SOWAHB: variants seen among roughly 807,000 people sequenced by gnomAD.
SOWAHB encodes ankyrin repeat domain-containing protein SOWAHB.
A neutral mutation model predicts 18.3 loss-of-function variants in SOWAHB; 17 were observed. That is an observed-to-expected ratio of 0.93 (90% CI 0.64 to 1.40). The LOEUF (loss-of-function observed/expected upper bound fraction) is 1.40. SOWAHB is among the 40% of genes most tolerant of loss of function. SOWAHB has a pLI of 0.00. For synonymous variants in SOWAHB, 496 were observed against 448.1 expected (o/e 1.11, Z -1.35); for missense variants, 1,126 against 1,033.7 (o/e 1.09, Z -1.22).
In SOWAHB at chr4:76,897,495, G is replaced by A; in HGVS notation, c.355C>T (p.Gln119Ter). Residue 119 changes from glutamine to a stop codon, truncating the protein, a stop_gained, in exon 1 of 1, where the codon CAG (glutamine) becomes TAG (stop). Coordinates refer to ENST00000334306, the MANE Select transcript of SOWAHB (RefSeq NM_001029870.3). LOFTEE classifies it low-confidence loss of function (END_TRUNC). This position sits in a 1 kb window ranked among gnomAD's most constrained non-coding sequence, Gnocchi z 6.4. ...GARRGEPPQQ[Q>*]PRRRRREKEP... ...TTCTCGCGCCGCCGCCGCCTGGGCT[G>A]CTGCTGGGGCGGCTCCCCCCGGCGC... 2 of 1,459,360 alleles carry A rather than the reference G, an allele frequency of 1.4e-6. No homozygotes were observed. Among genetic ancestry groups the A allele is most frequent in the African/African-American group, 1.5e-5 (1 of 67,574 alleles). 90.4% of individuals were successfully genotyped at this position (1,459,360 alleles called of 1,614,324 possible). A position where few individuals can be genotyped will look rare whatever the true frequency, so the allele number is the denominator to read the frequency against.
chr4:76,894,720 G>C lies in SOWAHB; in HGVS notation c.*748C>G, dbSNP rs575852323. Among the ~76,000 whole-genome samples, 34 of 152,228 alleles carry C rather than the reference G, an allele frequency of 2.2e-4. No individual in the cohort carries two copies. The highest frequency in any genetic ancestry group is 7.7e-4 in the African/African-American group (32 of 41,518). On this transcript the variant is annotated 3_prime_UTR_variant, in exon 1 of 1. Coordinates refer to ENST00000334306, the MANE Select transcript of SOWAHB (RefSeq NM_001029870.3). The stretch of plus-strand genomic sequence containing the variant: ...TTTTTACATTTGGAAAGTTCCCTTC[G>C]GGTTGATACAAAAAAGCAGGGCCTG...
chr4:76,897,005 C>T lies in SOWAHB; in HGVS notation c.845G>A (p.Arg282His), dbSNP rs1160675784. The T allele has an allele frequency of 1.9e-6, 3 of 1,564,170 alleles. No individual in the cohort carries two copies. Among genetic ancestry groups the T allele is most frequent in the Admixed American group, 3.7e-5 (2 of 53,576 alleles). ...PPALLPGPAP[R>H]GDRPELLTPS... ...GGTCAGCAGCTCCGGCCGGTCTCCG[C>T]GGGGAGCGGGGCCGGGCAGGAGAGC... is the stretch of plus-strand genomic sequence containing the variant. The change falls in exon 1 of 1, where the codon CGC (arginine) becomes CAC (histidine). Residue 282 changes from arginine to histidine, a missense_variant. Arg to His is a conservative substitution (Grantham distance 29, BLOSUM62 0). Coordinates refer to ENST00000334306, the MANE Select transcript of SOWAHB (RefSeq NM_001029870.3). The surrounding 1 kb of genome is among the most constrained non-coding windows in gnomAD (Gnocchi z 6.4).
Position 76,895,246 on chromosome 4 carries a change from C to T in SOWAHB, c.*222G>A, listed in dbSNP as rs745982919. ...CTCCTAGATATCAAGCACCTGGCCC[C>T]GCCTCTTGTCTAGGTTTCTCCAGTC... On this transcript the variant is annotated 3_prime_UTR_variant, in exon 1 of 1. Transcript: ENST00000334306. 3.9e-5 allele frequency: 19 copies of T among 484,346 alleles called. No individual in the cohort carries two copies. Among genetic ancestry groups the T allele is most frequent in the Non-Finnish European group, 6.5e-5 (18 of 278,028 alleles). 30.0% of individuals were successfully genotyped at this position (484,346 alleles called of 1,614,324 possible).
In SOWAHB at chr4:76,894,276, A is replaced by G. The variant is rs1482555641; in HGVS notation, c.*1192T>C. ...AAAACATTCCCATAAAAAATTAACAATTTCCACTTGAACATGTATTTCAGC... is the reference window on the plus strand; with the variant it reads ...AAAACATTCCCATAAAAAATTAACAGTTTCCACTTGAACATGTATTTCAGC... On this transcript the variant is annotated 3_prime_UTR_variant, in exon 1 of 1. Transcript: ENST00000334306. Among the ~76,000 whole-genome samples, 1 of 152,174 alleles carries G rather than the reference A, an allele frequency of 6.6e-6. No homozygotes were observed. Among genetic ancestry groups the G allele is most frequent in the East Asian group, 1.9e-4 (1 of 5,192 alleles).
At position 76,895,693 on chromosome 4, in the gene SOWAHB, T is replaced by C. The variant is rs201749398; in HGVS notation, c.2157A>G (p.Ile719Met). Residue 719 changes from isoleucine to methionine, a missense_variant, in exon 1 of 1, where the codon ATA (isoleucine) becomes ATG (methionine). Physicochemically the swap from Ile to Met is conservative, Grantham distance 10. Transcript: ENST00000334306. ...CCCGAGGAGCTCCCAACAGCTGCCATATTTCCCCAGAGGTATTACTGGTTA... is the reference window on the plus strand; with the variant it reads ...CCCGAGGAGCTCCCAACAGCTGCCACATTTCCCCAGAGGTATTACTGGTTA... ...QYLTSNTSGEIWQLLGAPRGK... is the reference protein window; with the variant it reads ...QYLTSNTSGEMWQLLGAPRGK... 15 of 1,614,116 alleles carry C rather than the reference T, an allele frequency of 9.3e-6. No homozygotes were observed. The highest frequency in any genetic ancestry group is 1.2e-5 in the Non-Finnish European group (14 of 1,180,046).
At position 76,897,507 on chromosome 4, in the gene SOWAHB, G is replaced by T; in HGVS notation, c.343C>A (p.Pro115Thr). The T allele has an allele frequency of 2.8e-6, 4 of 1,426,968 alleles. No homozygotes were observed. Among genetic ancestry groups the T allele is most frequent in the Non-Finnish European group, 3.6e-6 (4 of 1,100,704 alleles). The allele number at this position is 1,426,968 out of a possible 1,614,324, so 88.4% of individuals were successfully genotyped here. ...CSPRGARRGE[P>T]PQQQPRRRRR... The stretch of plus-strand genomic sequence containing the variant: ...CGCCGCCTGGGCTGCTGCTGGGGCG[G>T]CTCCCCCCGGCGCGCGCCTCGCGGG... The change falls in exon 1 of 1, where the codon CCG becomes ACG. Residue 115 changes from proline (P) to threonine (T), a missense_variant. Pro to Thr is a conservative substitution (Grantham distance 38). Transcript: ENST00000334306. This position sits in a 1 kb window ranked among gnomAD's most constrained non-coding sequence, Gnocchi z 6.4.
In SOWAHB at chr4:76,897,727, G is replaced by C; in HGVS notation, c.123C>G (p.Pro41=). 2 of 1,610,180 alleles carry C rather than the reference G, an allele frequency of 1.2e-6. No individual in the cohort carries two copies. ...GCTCGCGGCGGTGCTGGTGCTGGCT[G>C]GGGGACGCGTCGGGGTCTCGGAGAA... is the stretch of plus-strand genomic sequence containing the variant. ...KSFLRDPDAS[P]SQHQHRRELF... Residue 41 remains proline, a synonymous_variant, in exon 1 of 1, where the codon CCC becomes CCG. Coordinates refer to ENST00000334306, the MANE Select transcript of SOWAHB (RefSeq NM_001029870.3). The surrounding 1 kb of genome is among the most constrained non-coding windows in gnomAD (Gnocchi z 6.4).
rs1560661077 is a variant in SOWAHB, at chr4:76,895,692, A to G, written c.2158T>C (p.Trp720Arg). ...YLTSNTSGEIWQLLGAPRGKP... is the reference protein window; with the variant it reads ...YLTSNTSGEIRQLLGAPRGKP... ...CCCCGAGGAGCTCCCAACAGCTGCC[A>G]TATTTCCCCAGAGGTATTACTGGTT... The change falls in exon 1 of 1, where the codon TGG (tryptophan) becomes CGG (arginine). Residue 720 changes from tryptophan (W) to arginine (R), a missense_variant. Coordinates refer to ENST00000334306, the MANE Select transcript of SOWAHB (RefSeq NM_001029870.3). 9 of 1,614,134 alleles carry G rather than the reference A, an allele frequency of 5.6e-6. No individual in the cohort carries two copies. Among genetic ancestry groups the G allele is most frequent in the Non-Finnish European group, 5.9e-6 (7 of 1,180,056 alleles).
Position 76,897,020 on chromosome 4 carries a change from G to A in SOWAHB, c.830C>T (p.Pro277Leu). 2 of 1,557,402 alleles carry A rather than the reference G, an allele frequency of 1.3e-6. No individual in the cohort carries two copies. Among genetic ancestry groups the A allele is most frequent in the Non-Finnish European group, 8.6e-7 (1 of 1,157,966 alleles). Reference sequence around the variant, plus strand: ...CCGGTCTCCGCGGGGAGCGGGGCCGGGCAGGAGAGCAGGCGGGGAAGCCCT... The same window carrying A: ...CCGGTCTCCGCGGGGAGCGGGGCCGAGCAGGAGAGCAGGCGGGGAAGCCCT... ...TSRASPPALLPGPAPRGDRPE... is the reference protein window; with the variant it reads ...TSRASPPALLLGPAPRGDRPE... Residue 277 changes from proline to leucine, a missense_variant, in exon 1 of 1, where the codon CCC (proline) becomes CTC (leucine). Coordinates refer to ENST00000334306, the MANE Select transcript of SOWAHB (RefSeq NM_001029870.3). The surrounding 1 kb of genome is among the most constrained non-coding windows in gnomAD (Gnocchi z 6.4).
Position 76,895,411 on chromosome 4 carries a change from T to C in SOWAHB, c.*57A>G. 1 of 1,477,372 alleles carries C rather than the reference T, an allele frequency of 6.8e-7. No homozygotes were observed. Among genetic ancestry groups the C allele is most frequent in the Non-Finnish European group, 9.1e-7 (1 of 1,095,358 alleles). 91.5% of individuals were successfully genotyped at this position (1,477,372 alleles called of 1,614,324 possible). Reference sequence around the variant, plus strand: ...AGCAGCTTTTCTATTCCCCCTGAATTCTCTCACTGAGCAGGATGAGGGAGT... The same window carrying C: ...AGCAGCTTTTCTATTCCCCCTGAATCCTCTCACTGAGCAGGATGAGGGAGT... On this transcript the variant is annotated 3_prime_UTR_variant, in exon 1 of 1. Transcript: ENST00000334306.
Position 76,895,782 on chromosome 4 carries a change from C to T in SOWAHB, c.2068G>A (p.Val690Met), listed in dbSNP as rs1437589185. The T allele has an allele frequency of 1.2e-6, 2 of 1,614,248 alleles. No homozygotes were observed. The highest frequency in any genetic ancestry group is 2.2e-5 in the South Asian group (2 of 91,084). Reference sequence around the variant, plus strand: ...TTTACCCGAGAAGCCAACCTTTGCACTAGCAATTTGATGACCCCCTGGTGG... The same window carrying T: ...TTTACCCGAGAAGCCAACCTTTGCATTAGCAATTTGATGACCCCCTGGTGG... ...HGHQGVIKLL[V>M]QRLASRVNVR... Residue 690 changes from valine (V) to methionine (M), a missense_variant, in exon 1 of 1, where the codon GTG becomes ATG. Coordinates refer to ENST00000334306, the MANE Select transcript of SOWAHB (RefSeq NM_001029870.3).
In SOWAHB at chr4:76,897,370, G is replaced by C; in HGVS notation, c.480C>G (p.Gly160=). The change falls in exon 1 of 1, where the codon GGC becomes GGG. Residue 160 remains glycine, a synonymous_variant. Transcript: ENST00000334306. The surrounding 1 kb of genome is among the most constrained non-coding windows in gnomAD (Gnocchi z 6.4). The part of the protein sequence containing the change: ...GSDSRRAPGK[G]GGSKGSPGQR... The stretch of plus-strand genomic sequence containing the variant: ...GTCCGGGACTGCCCTTCGATCCGCC[G>C]CCCTTCCCGGGCGCCCTACGGGAGT... 6.5e-7 allele frequency: 1 copy of C among 1,529,286 alleles called. No individual in the cohort carries two copies. The highest frequency in any genetic ancestry group is 8.7e-7 in the Non-Finnish European group (1 of 1,144,740). The allele number at this position is 1,529,286 out of a possible 1,614,324, so 94.7% of individuals were successfully genotyped here.
In SOWAHB at chr4:76,897,181, C is replaced by G; in HGVS notation, c.669G>C (p.Glu223Asp). Residue 223 changes from glutamate to aspartate, a missense_variant, in exon 1 of 1, where the codon GAG becomes GAC. By Grantham distance (45) the Glu-to-Asp change is conservative. Coordinates refer to ENST00000334306, the MANE Select transcript of SOWAHB (RefSeq NM_001029870.3). This position sits in a 1 kb window ranked among gnomAD's most constrained non-coding sequence, Gnocchi z 6.4. The part of the protein sequence containing the change: ...GALPHSATAE[E>D]KPARALPAQD... ...GGGCAGGCAGAGCCCGTGCCGGCTT[C>G]TCCTCCGCGGTGGCCGAGTGCGGGA... 6.4e-7 allele frequency: 1 copy of G among 1,574,346 alleles called. No homozygotes were observed. Among genetic ancestry groups the G allele is most frequent in the Non-Finnish European group, 8.6e-7 (1 of 1,168,446 alleles).
Position 76,894,568 on chromosome 4 carries a change from T to C in SOWAHB, c.*900A>G, listed in dbSNP as rs1191589362. 2.6e-5 allele frequency among the ~76,000 whole-genome samples: 4 copies of C among 152,228 alleles called. No homozygotes were observed. The highest frequency in any genetic ancestry group is 9.6e-5 in the African/African-American group (4 of 41,460). On this transcript the variant is annotated 3_prime_UTR_variant, in exon 1 of 1. Transcript: ENST00000334306. ...ACTGTTTCCCCAGAGTGAAATCATTTCTCTCTTTTTATGAGTACAAACGTT... is the reference window on the plus strand; with the variant it reads ...ACTGTTTCCCCAGAGTGAAATCATTCCTCTCTTTTTATGAGTACAAACGTT...
Position 76,896,842 on chromosome 4 carries a change from G to T in SOWAHB, c.1008C>A (p.Leu336=), listed in dbSNP as rs760820459. 1 of 1,613,732 alleles carries T rather than the reference G, an allele frequency of 6.2e-7. No homozygotes were observed. Among genetic ancestry groups the T allele is most frequent in the South Asian group, 1.1e-5 (1 of 91,092 alleles). ...RAWSVLPDNF[L]QLPLEPGSTE... Reference sequence around the variant, plus strand: ...TGGAGCCGGGTTCCAAGGGCAGCTGGAGGAAGTTGTCTGGCAGCACCGACC... The same window carrying T: ...TGGAGCCGGGTTCCAAGGGCAGCTGTAGGAAGTTGTCTGGCAGCACCGACC... Residue 336 remains leucine, a synonymous_variant, in exon 1 of 1, where the codon CTC becomes CTA. Coordinates refer to ENST00000334306, the MANE Select transcript of SOWAHB (RefSeq NM_001029870.3).
rs186222809 is a variant in SOWAHB at position 76,894,591 on chromosome 4, G to A, written c.*877C>T. Among the ~76,000 whole-genome samples the A allele has an allele frequency of 5.9e-4, 90 of 152,228 alleles. No homozygotes were observed. The highest frequency in any genetic ancestry group is 2.0e-3 in the African/African-American group (82 of 41,526). On this transcript the variant is annotated 3_prime_UTR_variant, in exon 1 of 1. Coordinates refer to ENST00000334306, the MANE Select transcript of SOWAHB (RefSeq NM_001029870.3). ...TTTCTCTCTTTTTATGAGTACAAAC[G>A]TTGGCCATTCAAACCTCTGAAAACT...
rs764357840 is a variant in SOWAHB at position 76,895,562 on chromosome 4, G to A, written c.2288C>T (p.Ala763Val). ...SRSVTRKTSF[A>V]ALLKSQHNKW... ...GTTGTGCTGACTTTTGAGTAGTGCA[G>A]CGAAGGAAGTTTTTCGGGTGACACT... The change falls in exon 1 of 1, where the codon GCT (alanine) becomes GTT (valine). Residue 763 changes from alanine (A) to valine (V), a missense_variant. Transcript: ENST00000334306. 6.2e-7 allele frequency: 1 copy of A among 1,614,236 alleles called. No individual in the cohort carries two copies. The highest frequency in any genetic ancestry group is 8.5e-7 in the Non-Finnish European group (1 of 1,180,044).
Position 76,898,089 on chromosome 4 carries a change from C to T in SOWAHB, c.-240G>A, listed in dbSNP as rs1284357445. ...CAGTCTGCGTGAGAGAGGGCGGCTC[C>T]GAGGCCGCCCCTGCGCGACTCTAGC... is the stretch of plus-strand genomic sequence containing the variant. On this transcript the variant is annotated 5_prime_UTR_variant, in exon 1 of 1. Coordinates refer to ENST00000334306, the MANE Select transcript of SOWAHB (RefSeq NM_001029870.3). 1.0e-5 allele frequency: 5 copies of T among 501,730 alleles called. No homozygotes were observed. The highest frequency in any genetic ancestry group is 8.3e-5 in the African/African-American group (4 of 48,472). 31.1% of individuals were successfully genotyped at this position (501,730 alleles called of 1,614,324 possible).
Position 76,896,993 on chromosome 4 carries a change from G to T in SOWAHB, c.857C>A (p.Pro286Gln). 6.3e-7 allele frequency: 1 copy of T among 1,575,408 alleles called. No individual in the cohort carries two copies. Among genetic ancestry groups the T allele is most frequent in the East Asian group, 2.3e-5 (1 of 43,842 alleles). Residue 286 changes from proline (P) to glutamine (Q), a missense_variant, in exon 1 of 1, where the codon CCG becomes CAG. Pro to Gln is a moderately conservative substitution (Grantham distance 76). Transcript: ENST00000334306. ...CAGGGAGCTGGGGGTCAGCAGCTCC[G>T]GCCGGTCTCCGCGGGGAGCGGGGCC... Reference protein sequence around the residue: ...LPGPAPRGDRPELLTPSSLHY... With the variant: ...LPGPAPRGDRQELLTPSSLHY...
Sources: gnomAD v4.1 joint callset for allele counts (sites outside exome capture counted in the v4.1 genomes callset) on GRCh38, gnomAD v4.1.1 for gene constraint, Gnocchi (gnomAD v3.1) non-coding constraint, MANE v1.5 for transcripts, NCBI Gene and HGNC (gene_info 2026-07-23, HGNC 2026-07-21) for gene names.